NID1: variants seen among roughly 807,000 people sequenced by gnomAD.
The protein encoded by NID1 is nidogen 1.
NID1 carries 76 observed loss-of-function variants against 130.6 expected under a neutral mutation model. That is an observed-to-expected ratio of 0.58 (90% CI 0.48 to 0.70). The LOEUF is 0.70. Among genes scored for constraint, NID1 ranks in the 30% least tolerant of loss-of-function variants. The pLI is 0.00. For missense variants in NID1, 1,517 were observed against 1,664.8 expected (o/e 0.91, Z 1.54); for synonymous variants, 665 against 675.1 (o/e 0.98, Z 0.23).
chr1:236,012,195 C>A (rs1356745835), intron 11 of NID1, 152 bp from the exon 12 acceptor site: 15 of 841,616 alleles, frequency 1.8e-5, no homozygotes, highest in Middle Eastern at 2.4e-4. Context: ...ACTATCAAGT[C>A]ACTAACTCCC....
Position 236,048,820 on chromosome 1 carries a change from T to A in NID1, c.395A>T (p.Gln132Leu). Residue 132 changes from glutamine (Q) to leucine (L), a missense_variant, in exon 2 of 20, where the codon CAG becomes CTG. By Grantham distance (113) the Gln-to-Leu change is moderately radical (BLOSUM62 -2). Transcript: ENST00000264187. ...YREDLSPSIT[Q>L]RAAECVHRGF... ...TCTGTGGACACACTCTGCTGCTCGC[T>A]GAGTGATGGAGGGGGATAAGTCTTC... is the stretch of plus-strand genomic sequence containing the variant. 1.2e-6 allele frequency: 2 copies of A among 1,614,134 alleles called. No homozygotes were observed. Among genetic ancestry groups the A allele is most frequent in the Non-Finnish European group, 1.7e-6 (2 of 1,180,022 alleles).
At chr1:236,036,454 A>C (rs1480516208) in intron 5 of NID1, among the ~76,000 whole-genome samples, 7 of 152,236 alleles carry the variant, frequency 4.6e-5, no homozygotes, top group African/African-American at 1.7e-4. Context: ...GAAAAGCAGA[A>C]ACCATTCCTC....
Position 235,985,472 on chromosome 1 carries a change from C to T in NID1, c.2962G>A (p.Val988Met), listed in dbSNP as rs188200854. ...TCCGTCCAGTAAACCATCTTGTCCA[C>T]GCAGTCAAAGGCCAGTCCAATGATG... ...KVIIGLAFDC[V>M]DKMVYWTDIT... The change falls in exon 15 of 20, where the codon GTG (valine) becomes ATG (methionine). Residue 988 changes from valine (V) to methionine (M), a missense_variant. By Grantham distance (21) the Val-to-Met change is conservative (BLOSUM62 1). Around this residue, in one of 3 missense-constraint regions of NID1, gnomAD observed 1,329 missense variants for 1,429.2 expected, o/e 0.93. Coordinates refer to ENST00000264187, the MANE Select transcript of NID1 (RefSeq NM_002508.3). The T allele has an allele frequency of 1.1e-4, 181 of 1,614,102 alleles. No homozygotes were observed. Among genetic ancestry groups the T allele is most frequent in the South Asian group, 7.1e-4 (65 of 91,076 alleles).
intron 3 of NID1, among the ~76,000 whole-genome samples, chr1:236,044,131 T>C (rs934765282): frequency 6.6e-6 from 1 of 152,038 alleles, no homozygotes; most frequent in African/African-American, 2.4e-5. Flanking sequence ...GGATGATAAA[T>C]CACAAAAGTC....
intron 14 of NID1, among the ~76,000 whole-genome samples, chr1:235,989,807 CA>C (rs1457361345): frequency 6.6e-6 from 1 of 152,316 alleles, no homozygotes; most frequent in East Asian, 1.9e-4. Flanking sequence ...AATTGTCAGG[CA>C]GGGGGAACTG....
Position 236,048,801 on chromosome 1 carries a change from G to A in NID1, c.414C>T (p.Val138=), listed in dbSNP as rs1659684028. ...PSITQRAAEC[V]HRGFPEISFQ... is the part of the protein sequence containing the mutation. Reference sequence around the variant, plus strand: ...AAGAGATCTCCGGGAACCCTCTGTGGACACACTCTGCTGCTCGCTGAGTGA... The same window carrying A: ...AAGAGATCTCCGGGAACCCTCTGTGAACACACTCTGCTGCTCGCTGAGTGA... Residue 138 remains valine (V), a synonymous_variant, in exon 2 of 20, where the codon GTC becomes GTT. Transcript: ENST00000264187. The A allele has an allele frequency of 6.2e-7, 1 of 1,613,966 alleles. No homozygotes were observed. Among genetic ancestry groups the A allele is most frequent in the Admixed American group, 1.7e-5 (1 of 59,998 alleles).
At chr1:236,046,633 A>G (rs181810786) in intron 2 of NID1, among the ~76,000 whole-genome samples, 24 of 152,256 alleles carry the variant, frequency 1.6e-4, no homozygotes, top group Admixed American at 1.6e-3. Flanking sequence ...GGGCAAGGTC[A>G]GGGAATTACA....
At chr1:236,034,762 T>C (rs1057259381) in intron 5 of NID1, among the ~76,000 whole-genome samples, 2 of 152,118 alleles carry the variant, frequency 1.3e-5, no homozygotes, top group Non-Finnish European at 2.9e-5. Context: ...ACCCACCAAA[T>C]TGTATACTTT....
intron 7 of NID1, among the ~76,000 whole-genome samples, chr1:236,026,826 C>T (rs1027294645): frequency 4.0e-5 from 6 of 151,766 alleles, no homozygotes; most frequent in African/African-American, 1.5e-4. Flanking sequence ...GCAACCTCCG[C>T]CCCCTGGGTT....
At chr1:236,032,751 A>T in intron 5 of NID1, 99 bp from the exon 6 acceptor site, 2 of 1,480,780 alleles carry the variant, frequency 1.4e-6, no homozygotes, top group Admixed American at 4.7e-5. Context: ...TGAAGAAAGC[A>T]AAGAAACAAA....
Position 235,998,412 on chromosome 1 carries a change from C to T in NID1, c.2528-4540G>A, listed in dbSNP as rs79994157. 1.5e-4 allele frequency among the ~76,000 whole-genome samples: 23 copies of T among 152,244 alleles called. No individual in the cohort carries two copies. In the East Asian group the frequency reaches 3.1e-3, roughly 20 times the overall value. On this transcript the variant is annotated intron_variant, in intron 12 of 19. Coordinates refer to ENST00000264187, the MANE Select transcript of NID1 (RefSeq NM_002508.3). ...ATGTCTGGCTGGGCACGTTGGTTCACGCCTGTAATCCCAGCACTTTGGGAG... is the reference window on the plus strand; with the variant it reads ...ATGTCTGGCTGGGCACGTTGGTTCATGCCTGTAATCCCAGCACTTTGGGAG...
chr1:236,032,064 T>C (rs1033282172), intron 6 of NID1, among the ~76,000 whole-genome samples: 24 of 133,456 alleles, frequency 1.8e-4, no homozygotes, highest in African/African-American at 5.4e-4. Context: ...GCAGGCTTGA[T>C]AGAATGAGGC....
chr1:236,055,019 T>C (rs1434864362), intron 1 of NID1, among the ~76,000 whole-genome samples: 1 of 150,910 alleles, frequency 6.6e-6, no homozygotes, highest in Non-Finnish European at 1.5e-5. Flanking sequence ...TAAAAATAAT[T>C]CAGGGCCGCG....
At chr1:236,019,185 G>T (rs1658685245) in intron 9 of NID1, among the ~76,000 whole-genome samples, 3 of 152,254 alleles carry the variant, frequency 2.0e-5, no homozygotes, top group African/African-American at 7.2e-5. Context: ...GAGCTGGGGA[G>T]GCTGTGGGGG....
intron 10 of NID1, 41 bp from the exon 11 acceptor site, chr1:236,013,601 T>A (rs945309450): frequency 1.2e-6 from 2 of 1,612,952 alleles, no homozygotes; most frequent in Non-Finnish European, 1.7e-6. Flanking sequence ...AGGAAGAAAG[T>A]CCCCTGAGCA....
chr1:236,038,651 T>C (rs1028258532), intron 4 of NID1, among the ~76,000 whole-genome samples: 1 of 148,956 alleles, frequency 6.7e-6, no homozygotes, highest in Admixed American at 6.8e-5. Flanking sequence ...TTAAAATATA[T>C]ATTAAAACAT....
In NID1 at chr1:236,044,268, G is replaced by C. The variant is rs148653880; in HGVS notation, c.752+1189C>G. Among the ~76,000 whole-genome samples the C allele has an allele frequency of 6.1e-3, 934 of 152,266 alleles. 12 individuals carry two copies. Among genetic ancestry groups the C allele is most frequent in the African/African-American group, 0.021 (883 of 41,552 alleles). ...AAAGTTTTAGGAATTTTGCAAGCCA[G>C]TTATTAAACACAGCCATTCTAAACA... On this transcript the variant is annotated intron_variant, in intron 3 of 19. Coordinates refer to ENST00000264187, the MANE Select transcript of NID1 (RefSeq NM_002508.3).
chr1:236,059,120 A>G (rs964460302), intron 1 of NID1, among the ~76,000 whole-genome samples: 2 of 152,218 alleles, frequency 1.3e-5, no homozygotes, highest in Admixed American at 6.5e-5. Context: ...CACAGCCAGT[A>G]AGTGATAGAA....
chr1:236,005,557 G>T (rs150141109), intron 12 of NID1, among the ~76,000 whole-genome samples: 1 of 151,964 alleles, frequency 6.6e-6, no homozygotes, highest in African/African-American at 2.4e-5. Context: ...AAACAATACT[G>T]GGCAAAAATT....
Sources: allele counts gnomAD v4.1 joint callset (sites outside exome capture counted in the v4.1 genomes callset), GRCh38; gene constraint gnomAD v4.1.1; regional missense constraint gnomAD v4.1.1; transcripts MANE v1.5; gene names NCBI Gene and HGNC (gene_info 2026-07-23, HGNC 2026-07-21).